The following UBFD1 variants were observed in gnomAD, a reference collection of about 807,000 sequenced individuals.
The protein encoded by UBFD1 is ubiquitin family domain containing 1, also known as ubiquitin domain-containing protein UBFD1.
UBFD1 carries 12 observed loss-of-function variants against 35.1 expected under a neutral mutation model. The observed-to-expected ratio is 0.34, with a 90% CI of 0.22 to 0.55. UBFD1 has a LOEUF of 0.55. Among genes scored for constraint, UBFD1 ranks in the 20% least tolerant of loss-of-function variants. The pLI is 0.89. For missense variants in UBFD1, 337 were observed against 410.8 expected (o/e 0.82, Z 1.55); for synonymous variants, 178 against 167.6 (o/e 1.06, Z -0.48).
chr16:23,561,786 C>T (rs1965938146), intron 3 of UBFD1: 2 of 155,770 alleles, frequency 1.3e-5, no homozygotes, highest in African/African-American at 2.4e-5. Context: ...CCCTTTGTCG[C>T]CCTCTTTAGT....
In UBFD1 at chr16:23,559,679, G is replaced by A; in HGVS notation, c.564+3G>A. 6.2e-7 allele frequency: 1 copy of A among 1,614,212 alleles called. No homozygotes were observed. The highest frequency in any genetic ancestry group is 8.5e-7 in the Non-Finnish European group (1 of 1,180,026). ...AGGAGCCTCTCTGCAGGCAGAAAGT[G>A]AGTCCATCTTGTGCTTCTTGGTCTT... On this transcript the variant is annotated splice_donor_region_variant and intron_variant, in intron 3 of 6. Transcript: ENST00000395878.
intron 6 of UBFD1, among the ~76,000 whole-genome samples, chr16:23,570,019 C>T (rs1305504769): frequency 2.0e-5 from 3 of 152,156 alleles, no homozygotes; most frequent in Non-Finnish European, 2.9e-5. Flanking sequence ...TAGGTTGCCC[C>T]AGGTTTTTGT....
chr16:23,560,904 C>G (rs748190766), intron 3 of UBFD1, among the ~76,000 whole-genome samples: 1 of 152,080 alleles, frequency 6.6e-6, no homozygotes, highest in Non-Finnish European at 1.5e-5. Context: ...TTTTCTTTGC[C>G]ACATGTATGA....
At chr16:23,567,631 T>C (rs1050093955) in intron 6 of UBFD1, among the ~76,000 whole-genome samples, 2 of 152,360 alleles carry the variant, frequency 1.3e-5, no homozygotes, top group Non-Finnish European at 2.9e-5. Flanking sequence ...TTTGGAGGTG[T>C]TGTGCAGGTC....
At chr16:23,561,564 A>G (rs1965934160) in intron 3 of UBFD1, 1 of 152,188 alleles carries the variant, frequency 6.6e-6, no homozygotes, top group South Asian at 2.1e-4. Context: ...AGTAATAAGC[A>G]TTTCTTTCTG....
rs1966084815 is a variant in UBFD1 at position 23,571,527 on chromosome 16, CAGG to C, written c.*943_*945del. The stretch of plus-strand genomic sequence containing the variant: ...CTCCCAAGCAGACAAAGACCTCTTC[CAGG>C]AGGAGCCAGGTAGAAGATAGTTATA... On this transcript the variant is annotated 3_prime_UTR_variant, in exon 7 of 7. Coordinates refer to ENST00000395878, the MANE Select transcript of UBFD1 (RefSeq NM_019116.3). 6.6e-6 allele frequency: 1 copy of C among 152,350 alleles called. No individual in the cohort carries two copies. The highest frequency in any genetic ancestry group is 6.5e-5 in the Admixed American group (1 of 15,284). The allele number at this position is 152,350 out of a possible 1,614,324, so 9.4% of individuals were successfully genotyped here.
At position 23,566,712 on chromosome 16, in the gene UBFD1, A is replaced by AT. The variant is rs1966016465; in HGVS notation, c.737-274dup. The AT allele has an allele frequency of 9.6e-6, 3 of 313,106 alleles. No individual in the cohort carries two copies. The South Asian group carries it at 2.4e-4, about 25-fold the overall frequency. The allele number at this position is 313,106 out of a possible 1,614,324, so 19.4% of individuals were successfully genotyped here. ...TTAACCATCAGACTTTTAAAAAATAATCCCAGGGAAGATACAATTCTGCCC... is the reference window on the plus strand; with the variant it reads ...TTAACCATCAGACTTTTAAAAAATAATTCCCAGGGAAGATACAATTCTGCCC... On this transcript the variant is annotated intron_variant, in intron 5 of 6. Coordinates refer to ENST00000395878, the MANE Select transcript of UBFD1 (RefSeq NM_019116.3).
Position 23,567,042 on chromosome 16 carries a change from C to T in UBFD1, c.792C>T (p.Ile264=). The part of the protein sequence containing the change: ...GSIKNVVSEP[I]EGHEDYHMMA... ...TAAAAAATGTGGTCAGTGAACCTAT[C>T]GAAGGACATGAAGACTACCACATGA... The change falls in exon 6 of 7, where the codon ATC becomes ATT. Residue 264 remains isoleucine, a synonymous_variant. Coordinates refer to ENST00000395878, the MANE Select transcript of UBFD1 (RefSeq NM_019116.3). The T allele has an allele frequency of 1.2e-6, 2 of 1,614,110 alleles. No individual in the cohort carries two copies. Among genetic ancestry groups the T allele is most frequent in the Non-Finnish European group, 1.7e-6 (2 of 1,180,016 alleles).
rs1036975582 is a variant in UBFD1 at position 23,557,934 on chromosome 16, C to A, written c.26-16C>A. The stretch of plus-strand genomic sequence containing the variant: ...CCCAGCCCGCGGCGAGCGCCCACCC[C>A]CTAACCCCCTTGCAGGCATGGAGGA... On this transcript the variant is annotated splice_polypyrimidine_tract_variant and intron_variant, in intron 1 of 6. Coordinates refer to ENST00000395878, the MANE Select transcript of UBFD1 (RefSeq NM_019116.3). 3 of 1,331,790 alleles carry A rather than the reference C, an allele frequency of 2.3e-6. No individual in the cohort carries two copies. Among genetic ancestry groups the A allele is most frequent in the Non-Finnish European group, 1.9e-6 (2 of 1,041,632 alleles). 82.5% of individuals were successfully genotyped at this position (1,331,790 alleles called of 1,614,324 possible). A position where few individuals can be genotyped will look rare whatever the true frequency, so the allele number is the denominator to read the frequency against.
chr16:23,560,589 A>G (rs1394208584), intron 3 of UBFD1, among the ~76,000 whole-genome samples: 2 of 152,320 alleles, frequency 1.3e-5, no homozygotes, highest in East Asian at 1.9e-4. Flanking sequence ...CAAAACCCCA[A>G]AGGAGTATAA....
chr16:23,566,818 A>G (rs1322647138), intron 5 of UBFD1, 169 bp from the exon 6 acceptor site: 55 of 612,398 alleles, frequency 9.0e-5, no homozygotes, highest in South Asian at 1.9e-4. Context: ...ACGAAGCCCT[A>G]TGTGCACTGG....
At chr16:23,569,677 A>T (rs1318915366) in intron 6 of UBFD1, 5 of 152,156 alleles carry the variant, frequency 3.3e-5, no homozygotes, top group Admixed American at 2.0e-4. Flanking sequence ...TAAATAAAAG[A>T]AATAAAGTTT....
chr16:23,559,300 C>G, intron 2 of UBFD1, 168 bp from the exon 3 acceptor site: 1 of 604,084 alleles, frequency 1.7e-6, no homozygotes, highest in Non-Finnish European at 2.9e-6. Context: ...AAATCTTCTA[C>G]AGTTCTAGAA....
intron 3 of UBFD1, chr16:23,559,910 G>GTTTAC: frequency 6.7e-7 from 1 of 1,503,098 alleles, no homozygotes; most frequent in East Asian, 2.5e-5. Flanking sequence ...ATAAGACCTT[G>GTTTAC]GTAAAGGGAG....
chr16:23,562,400 C>A, intron 4 of UBFD1, 129 bp downstream of exon 4: 1 of 933,016 alleles, frequency 1.1e-6, no homozygotes, highest in Non-Finnish European at 1.6e-6. Context: ...CTTGCTCTGT[C>A]ACCCAGGCTG....
intron 6 of UBFD1, chr16:23,569,546 C>T (rs1966055983): frequency 6.6e-6 from 1 of 152,094 alleles, no homozygotes; most frequent in Non-Finnish European, 1.5e-5. Flanking sequence ...CAGAGAGAGA[C>T]TCCAGCTCAG....
At chr16:23,570,050 T>A (rs1288942598) in intron 6 of UBFD1, among the ~76,000 whole-genome samples, 2 of 152,218 alleles carry the variant, frequency 1.3e-5, no homozygotes, top group Non-Finnish European at 2.9e-5. Flanking sequence ...AGTGCTGCAA[T>A]GAACATTCAT....
chr16:23,565,663 G>C (rs1965999496), intron 5 of UBFD1: 2 of 152,100 alleles, frequency 1.3e-5, no homozygotes, highest in Admixed American at 6.6e-5. Flanking sequence ...CCATTTTTCA[G>C]ATACTGAGGC....
chr16:23,572,846 C>CTCTGT lies in UBFD1; in HGVS notation c.*2256_*2257insTCTGT, dbSNP rs1966104500. The CTCTGT allele has an allele frequency of 6.6e-6, 1 of 152,234 alleles. No individual in the cohort carries two copies. Among genetic ancestry groups the CTCTGT allele is most frequent in the Admixed American group, 6.5e-5 (1 of 15,268 alleles). The allele number at this position is 152,234 out of a possible 1,614,324, so 9.4% of individuals were successfully genotyped here. A position where few individuals can be genotyped will look rare whatever the true frequency, so the allele number is the denominator to read the frequency against. ...ACGGAGCTGTTTGAGTATTGCTTTA[C>CTCTGT]AGAGCTCACTAAATCAGCTTCAACA... On this transcript the variant is annotated 3_prime_UTR_variant, in exon 7 of 7. Transcript: ENST00000395878.
Sources: gnomAD v4.1 joint callset for allele counts (sites outside exome capture counted in the v4.1 genomes callset) on GRCh38, gnomAD v4.1.1 for gene constraint, MANE v1.5 for transcripts, NCBI Gene and HGNC (gene_info 2026-07-23, HGNC 2026-07-21) for gene names.